GABRD: variants seen among roughly 807,000 people sequenced by gnomAD.
The protein encoded by GABRD is gamma-aminobutyric acid receptor subunit delta.
A neutral mutation model predicts 47.3 loss-of-function variants in GABRD; 25 were observed. That is an observed-to-expected ratio of 0.53 (90% confidence interval 0.39 to 0.74). The LOEUF (loss-of-function observed/expected upper bound fraction) is 0.74. Ranked by LOEUF, GABRD falls within the 30% of genes least tolerant of loss-of-function variation. The probability of loss-of-function intolerance (pLI) is 0.00; values close to 1 mark genes in which losing one functional copy is unlikely to be tolerated. For missense variants in GABRD, 497 were observed against 643.4 expected (o/e 0.77, Z 2.46); for synonymous variants, 314 against 278.8 (o/e 1.13, Z -1.26).
intron 4 of GABRD, chr1:2,027,219 C>T (rs1658951210): frequency 2.7e-6 from 1 of 371,922 alleles, no homozygotes; most frequent in Non-Finnish European, 5.1e-6. Flanking sequence ...TTTGACCTCT[C>T]CTAGAAAATC....
chr1:2,030,606 G>T lies in GABRD; in HGVS notation c.*324G>T, dbSNP rs79540831. On this transcript the variant is annotated 3_prime_UTR_variant, in exon 9 of 9. Transcript: ENST00000378585. ...TTTTTATGTTCAGAAAGTGATCCTG[G>T]TTTCTAGGTCTTTGCTCTGCAGGAT... The T allele has an allele frequency of 1.6e-4, 42 of 261,186 alleles. No homozygotes were observed. Among genetic ancestry groups the T allele is most frequent in the African/African-American group, 7.7e-4 (35 of 45,202 alleles). 16.2% of individuals were successfully genotyped at this position (261,186 alleles called of 1,614,324 possible).
At position 2,029,564 on chromosome 1, in the gene GABRD, G is replaced by A. The variant is rs1279751700; in HGVS notation, c.861G>A (p.Val287=). 4 of 1,612,850 alleles carry A rather than the reference G, an allele frequency of 2.5e-6. No individual in the cohort carries two copies. The South Asian group carries it at 4.4e-5, about 18-fold the overall frequency. ...PARVSLGITT[V]LTMTTLMVSA... ...TGTGCCCGGCAGGCATCACCACGGT[G>A]CTGACGATGACCACGCTCATGGTCA... The change falls in exon 8 of 9, where the codon GTG becomes GTA. Residue 287 remains valine (V), a synonymous_variant. Transcript: ENST00000378585.
chr1:2,021,595 G>T (rs1017954265), intron 1 of GABRD, among the ~76,000 whole-genome samples: 5 of 152,132 alleles, frequency 3.3e-5, no homozygotes, highest in African/African-American at 1.2e-4. Flanking sequence ...GCCGTGGGTC[G>T]GCCCGGAGTG....
In GABRD at chr1:2,028,357, C is replaced by T. The variant is rs533906168; in HGVS notation, c.691+65C>T. ...CCCCTTCCGCGCGCGCCCACCGCCCCTTCCGCGCGCGCCCACCGCCCCTTC... is the reference window on the plus strand; with the variant it reads ...CCCCTTCCGCGCGCGCCCACCGCCCTTTCCGCGCGCGCCCACCGCCCCTTC... On this transcript the variant is annotated intron_variant, in intron 6 of 8. Coordinates refer to ENST00000378585, the MANE Select transcript of GABRD (RefSeq NM_000815.5). This position sits in a 1 kb window ranked among gnomAD's most constrained non-coding sequence, Gnocchi z 6.4. The T allele has an allele frequency of 2.8e-6, 4 of 1,438,690 alleles. No individual in the cohort carries two copies. The highest frequency in any genetic ancestry group is 5.6e-5 in the East Asian group (2 of 35,986). 89.1% of individuals were successfully genotyped at this position (1,438,690 alleles called of 1,614,324 possible). A position where few individuals can be genotyped will look rare whatever the true frequency, so the allele number is the denominator to read the frequency against.
intron 4 of GABRD, 170 bp downstream of exon 4, chr1:2,025,908 C>T (rs1012759650): frequency 2.4e-5 from 15 of 616,014 alleles, no homozygotes; most frequent in Non-Finnish European, 3.7e-5. Flanking sequence ...CCCGCAGCTG[C>T]TGGGGAAACA....
Position 2,028,463 on chromosome 1 carries a change from C to T in GABRD, c.691+171C>T, listed in dbSNP as rs191274253. Among the ~76,000 whole-genome samples, 17 of 152,226 alleles carry T rather than the reference C, an allele frequency of 1.1e-4. No homozygotes were observed. The highest frequency in any genetic ancestry group is 6.2e-4 in the South Asian group (3 of 4,824). ...AGGGCCTCTGGGGATGCAGCTGGGA[C>T]GCTGCTGCCTTAGGAACTTGCTCAT... On this transcript the variant is annotated intron_variant, in intron 6 of 8. Coordinates refer to ENST00000378585, the MANE Select transcript of GABRD (RefSeq NM_000815.5). This position sits in a 1 kb window ranked among gnomAD's most constrained non-coding sequence, Gnocchi z 6.4.
intron 2 of GABRD, 68 bp from the exon 3 acceptor site, chr1:2,025,266 C>T (rs2102147372): frequency 1.9e-6 from 3 of 1,574,008 alleles, no homozygotes; most frequent in South Asian, 2.2e-5. Flanking sequence ...GGGACCCCGG[C>T]AGGGTCCCAT....
At position 2,028,145 on chromosome 1, in the gene GABRD, T is replaced by A; in HGVS notation, c.554-10T>A. The A allele has an allele frequency of 6.2e-7, 1 of 1,604,210 alleles. No individual in the cohort carries two copies. The highest frequency in any genetic ancestry group is 8.5e-7 in the Non-Finnish European group (1 of 1,173,522). Reference sequence around the variant, plus strand: ...GGGCTCTGCCGCCCACCTGTGTGCTTTTCCTCCAGACGGTTACTCATCGGA... The same window carrying A: ...GGGCTCTGCCGCCCACCTGTGTGCTATTCCTCCAGACGGTTACTCATCGGA... On this transcript the variant is annotated splice_polypyrimidine_tract_variant and intron_variant, in intron 5 of 8. Coordinates refer to ENST00000378585, the MANE Select transcript of GABRD (RefSeq NM_000815.5). The surrounding 1 kb of genome is among the most constrained non-coding windows in gnomAD (Gnocchi z 6.4).
At chr1:2,026,841 A>T (rs2102149435) in intron 4 of GABRD, 1 of 152,726 alleles carries the variant, frequency 6.5e-6, no homozygotes, top group African/African-American at 2.4e-5. Context: ...CTCAAAAAAA[A>T]AAAACAAACA....
At chr1:2,022,896 G>A (rs1406065685) in intron 1 of GABRD, among the ~76,000 whole-genome samples, 2 of 152,210 alleles carry the variant, frequency 1.3e-5, no homozygotes, top group East Asian at 1.9e-4. Context: ...GGTTAGCTAA[G>A]GAACGTTTGG....
At chr1:2,022,864 C>A (rs1658818274) in intron 1 of GABRD, among the ~76,000 whole-genome samples, 1 of 152,214 alleles carries the variant, frequency 6.6e-6, no homozygotes, top group South Asian at 2.1e-4. Flanking sequence ...TCGTCCAGGA[C>A]AGATTGGGGT....
At chr1:2,023,952 A>G (rs1658852271) in intron 1 of GABRD, 1 of 152,042 alleles carries the variant, frequency 6.6e-6, no homozygotes, top group Non-Finnish European at 1.5e-5. Flanking sequence ...GCCTGTCTCC[A>G]GCTCCGGCGG....
In GABRD at chr1:2,030,534, G is replaced by C; in HGVS notation, c.*252G>C. On this transcript the variant is annotated 3_prime_UTR_variant, in exon 9 of 9. Coordinates refer to ENST00000378585, the MANE Select transcript of GABRD (RefSeq NM_000815.5). ...AGATGAAGGAGCAGAGGTTCTGACC[G>C]AGAGGCTGAGCCAGGCCGGGGTCTG... 2.6e-6 allele frequency: 1 copy of C among 387,370 alleles called. No homozygotes were observed. The highest frequency in any genetic ancestry group is 1.1e-4 in the South Asian group (1 of 9,012). The allele number at this position is 387,370 out of a possible 1,614,324, so 24.0% of individuals were successfully genotyped here.
rs41306994 is a variant in GABRD, at chr1:2,025,866, G to A, written c.470+128G>A. ...CCGGGAGCTGGCGGGCGGGCGGAGG[G>A]GGGGGCAGAAGCTGCGCGGTTATTT... On this transcript the variant is annotated intron_variant, in intron 4 of 8. Coordinates refer to ENST00000378585, the MANE Select transcript of GABRD (RefSeq NM_000815.5). 553 of 741,960 alleles carry A rather than the reference G, an allele frequency of 7.5e-4. 9 individuals are homozygous for A. The South Asian group carries it at 8.8e-3, about 12-fold the overall frequency. The allele number at this position is 741,960 out of a possible 1,614,324, so 46.0% of individuals were successfully genotyped here.
chr1:2,023,817 C>T (rs1658847144), intron 1 of GABRD: 1 of 152,224 alleles, frequency 6.6e-6, no homozygotes, highest in Non-Finnish European at 1.5e-5. Flanking sequence ...ATGACAATCA[C>T]CACAAACTGG....
rs200605909 is a variant in GABRD, at chr1:2,030,152, G to T, written c.1229G>T (p.Gly410Val). ...AAGAAGGAGGGGGCAGCCCGCTCAG[G>T]AGGCCAGGGGGGCATCCGTGCCCGG... ...ETKKEGAARSGGQGGIRARLR... is the reference protein window; with the variant it reads ...ETKKEGAARSVGQGGIRARLR... The change falls in exon 9 of 9, where the codon GGA (glycine) becomes GTA (valine). Residue 410 changes from glycine to valine, a missense_variant. This residue lies in a region of GABRD where 121 missense variants were observed against 121.3 expected (regional missense o/e 1.00). Transcript: ENST00000378585. 31 of 1,575,328 alleles carry T rather than the reference G, an allele frequency of 2.0e-5. No homozygotes were observed. In the Admixed American group the frequency reaches 5.5e-4, roughly 28 times the overall value.
Position 2,030,118 on chromosome 1 carries a change from G to T in GABRD, c.1195G>T (p.Gly399Trp). The T allele has an allele frequency of 6.3e-7, 1 of 1,584,654 alleles. No homozygotes were observed. The highest frequency in any genetic ancestry group is 8.6e-7 in the Non-Finnish European group (1 of 1,164,512). ...GSYRSVGVET[G>W]ETKKEGAARS... ...CTACAGGTCGGTGGGGGTGGAGACAGGGGAGACGAAGAAGGAGGGGGCAGC... is the reference window on the plus strand; with the variant it reads ...CTACAGGTCGGTGGGGGTGGAGACATGGGAGACGAAGAAGGAGGGGGCAGC... Residue 399 changes from glycine to tryptophan, a missense_variant, in exon 9 of 9, where the codon GGG becomes TGG. By Grantham distance (184) the Gly-to-Trp change is radical. This residue lies in a region of GABRD where 121 missense variants were observed against 121.3 expected (regional missense o/e 1.00). Transcript: ENST00000378585.
intron 7 of GABRD, 25 bp from the exon 8 acceptor site, chr1:2,029,526 C>A: frequency 6.2e-7 from 1 of 1,610,224 alleles, no homozygotes; most frequent in Non-Finnish European, 8.5e-7. Flanking sequence ...AGGGCTACGA[C>A]AATGGCACCA....
intron 1 of GABRD, 184 bp from the exon 2 acceptor site, chr1:2,024,758 G>C: frequency 1.8e-6 from 1 of 548,884 alleles, no homozygotes; most frequent in East Asian, 3.0e-5. Context: ...GACCTCCCGG[G>C]GTTCCCTGTG....
Sources: gnomAD v4.1 joint callset for allele counts (sites outside exome capture counted in the v4.1 genomes callset) on GRCh38, gnomAD v4.1.1 for gene constraint, gnomAD v4.1.1 regional missense constraint, Gnocchi (gnomAD v3.1) non-coding constraint, MANE v1.5 for transcripts, NCBI Gene and HGNC (gene_info 2026-07-23, HGNC 2026-07-21) for gene names.